The following CRTC3 variants were observed in gnomAD, a reference collection of about 807,000 sequenced individuals.
The protein encoded by CRTC3 is CREB-regulated transcription coactivator 3.
A neutral mutation model predicts 74.5 loss-of-function variants in CRTC3; 26 were observed. That is an observed-to-expected ratio of 0.35 (90% confidence interval 0.26 to 0.48). CRTC3 has a LOEUF of 0.48. Ranked by LOEUF, CRTC3 falls within the 20% of genes least tolerant of loss-of-function variation. The probability of loss-of-function intolerance (pLI) is 0.99; values close to 1 mark genes in which losing one functional copy is unlikely to be tolerated. For synonymous variants in CRTC3, 377 were observed against 325.8 expected (o/e 1.16, Z -1.69); for missense variants, 760 against 787.3 (o/e 0.97, Z 0.41).
intron 6 of CRTC3, chr15:90,613,625 G>A (rs1968419472): frequency 6.6e-6 from 1 of 152,074 alleles, no homozygotes; most frequent in South Asian, 2.1e-4. Flanking sequence ...GACTAATCAG[G>A]TTAACCTATA....
intron 2 of CRTC3, among the ~76,000 whole-genome samples, chr15:90,572,940 T>C (rs141221565): frequency 3.9e-5 from 6 of 152,192 alleles, no homozygotes; most frequent in Non-Finnish European, 8.8e-5. Context: ...AACATCTTGA[T>C]TTATTTTTAA....
At chr15:90,629,992 G>A (rs770754929) in intron 11 of CRTC3, among the ~76,000 whole-genome samples, 1 of 152,112 alleles carries the variant, frequency 6.6e-6, no homozygotes, top group African/African-American at 2.4e-5. Flanking sequence ...CCAAAGTGCT[G>A]GGATTACAGG....
intron 3 of CRTC3, chr15:90,596,242 G>C (rs915553226): frequency 1.3e-5 from 2 of 152,164 alleles, no homozygotes; most frequent in African/African-American, 4.8e-5. Context: ...AAAGGAAAAT[G>C]GTTTTAGATG....
At chr15:90,634,700 G>A in intron 11 of CRTC3, 1 of 673,246 alleles carries the variant, frequency 1.5e-6, no homozygotes, top group Admixed American at 2.1e-5. Flanking sequence ...CTAGAGCGGA[G>A]TATGAGACTG....
At chr15:90,633,121 A>ATAGT (rs1266512954) in intron 11 of CRTC3, among the ~76,000 whole-genome samples, 6 of 152,196 alleles carry the variant, frequency 3.9e-5, no homozygotes, top group African/African-American at 1.4e-4. Context: ...TAGTGTTTTT[A>ATAGT]TAGTTACAAT....
chr15:90,580,355 C>G (rs964743906), intron 2 of CRTC3, among the ~76,000 whole-genome samples: 1 of 151,924 alleles, frequency 6.6e-6, no homozygotes, highest in Admixed American at 6.6e-5. Flanking sequence ...TGTCTGTAGG[C>G]AAAAGTGGGG....
Position 90,645,146 on chromosome 15 carries a change from G to GT in CRTC3, c.*3008dup, listed in dbSNP as rs1969579138. On this transcript the variant is annotated 3_prime_UTR_variant, in exon 15 of 15. Coordinates refer to ENST00000268184, the MANE Select transcript of CRTC3 (RefSeq NM_022769.5). ...GGCTCTTCTGATTTATGCACAGATGGTTCCCAGCATGTGTCCAGTGCTTCA... is the reference window on the plus strand; with the variant it reads ...GGCTCTTCTGATTTATGCACAGATGGTTTCCCAGCATGTGTCCAGTGCTTCA... 1.3e-5 allele frequency: 3 copies of GT among 229,608 alleles called. No individual in the cohort carries two copies. In the Admixed American group the frequency reaches 1.7e-4, roughly 13 times the overall value. 14.2% of individuals were successfully genotyped at this position (229,608 alleles called of 1,614,324 possible).
At chr15:90,623,879 G>T (rs764465541) in intron 9 of CRTC3, among the ~76,000 whole-genome samples, 5 of 152,084 alleles carry the variant, frequency 3.3e-5, no homozygotes, top group Non-Finnish European at 7.3e-5. Context: ...CACACCATGT[G>T]GTCTCACACC....
chr15:90,560,747 C>G (rs1243886777), intron 2 of CRTC3, among the ~76,000 whole-genome samples: 1 of 152,188 alleles, frequency 6.6e-6, no homozygotes, highest in Admixed American at 6.5e-5. Flanking sequence ...CTGTTTGAGT[C>G]TGAACAATAA....
chr15:90,533,820 C>T (rs1198390963), intron 1 of CRTC3, among the ~76,000 whole-genome samples: 10 of 152,152 alleles, frequency 6.6e-5, no homozygotes, highest in Non-Finnish European at 1.5e-5. Context: ...AGGGAATTCT[C>T]ACCTCTTCCA....
At chr15:90,555,317 G>T (rs1245251908) in intron 2 of CRTC3, among the ~76,000 whole-genome samples, 1 of 152,090 alleles carries the variant, frequency 6.6e-6, no homozygotes, top group Non-Finnish European at 1.5e-5. Flanking sequence ...ATATTAAGCA[G>T]CTACTGTAAC....
At chr15:90,560,687 A>G (rs544282186) in intron 2 of CRTC3, among the ~76,000 whole-genome samples, 3 of 152,180 alleles carry the variant, frequency 2.0e-5, no homozygotes, top group Non-Finnish European at 4.4e-5. Flanking sequence ...CTGTCAGAAC[A>G]ATAGGGAATG....
intron 9 of CRTC3, among the ~76,000 whole-genome samples, chr15:90,625,515 C>G (rs1172541201): frequency 1.3e-5 from 2 of 152,070 alleles, no homozygotes; most frequent in Non-Finnish European, 2.9e-5. Flanking sequence ...AATACTTTTG[C>G]ATCCATAATC....
intron 2 of CRTC3, among the ~76,000 whole-genome samples, chr15:90,562,829 G>T (rs139298856): frequency 6.6e-6 from 1 of 151,918 alleles, no homozygotes; most frequent in East Asian, 1.9e-4. Flanking sequence ...GACACTGGAG[G>T]GGGCAAGCCA....
At chr15:90,581,635 A>G (rs1209452999) in intron 2 of CRTC3, among the ~76,000 whole-genome samples, 2 of 152,258 alleles carry the variant, frequency 1.3e-5, no homozygotes, top group African/African-American at 4.8e-5. Flanking sequence ...TTATTTGGAA[A>G]TGTAAAATCT....
At position 90,641,920 on chromosome 15, in the gene CRTC3, C is replaced by T; in HGVS notation, c.1652-12C>T. On this transcript the variant is annotated splice_polypyrimidine_tract_variant and intron_variant, in intron 14 of 14. Transcript: ENST00000268184. ...TAACCGCACTGTTTTCCCCTCTGGC[C>T]ACTCCTTTCAGAAGACTCCAGCACC... The T allele has an allele frequency of 6.2e-7, 1 of 1,612,274 alleles. No homozygotes were observed. Among genetic ancestry groups the T allele is most frequent in the Non-Finnish European group, 8.5e-7 (1 of 1,179,388 alleles).
chr15:90,643,685 G>C lies in CRTC3; in HGVS notation c.*1545G>C, dbSNP rs1003640533. On this transcript the variant is annotated 3_prime_UTR_variant, in exon 15 of 15. Coordinates refer to ENST00000268184, the MANE Select transcript of CRTC3 (RefSeq NM_022769.5). Reference sequence around the variant, plus strand: ...ACCACCGCCTGCCTCCTCTAACTTGGGTGATGCCAGTAGGTTTGAAGGGGG... The same window carrying C: ...ACCACCGCCTGCCTCCTCTAACTTGCGTGATGCCAGTAGGTTTGAAGGGGG... 1 of 231,226 alleles carries C rather than the reference G, an allele frequency of 4.3e-6. No homozygotes were observed. The highest frequency in any genetic ancestry group is 2.3e-5 in the African/African-American group (1 of 43,910). 14.3% of individuals were successfully genotyped at this position (231,226 alleles called of 1,614,324 possible).
intron 6 of CRTC3, among the ~76,000 whole-genome samples, chr15:90,609,083 C>T (rs867220178): frequency 6.6e-6 from 1 of 152,136 alleles, no homozygotes; most frequent in African/African-American, 2.4e-5. Context: ...CACTTATGAT[C>T]GTATTTCTTT....
At chr15:90,563,699 G>A (rs1967062058) in intron 2 of CRTC3, among the ~76,000 whole-genome samples, 1 of 152,100 alleles carries the variant, frequency 6.6e-6, no homozygotes, top group African/African-American at 2.4e-5. Flanking sequence ...AGCCAACCGA[G>A]AGCAAGAAAA....
Sources: allele counts gnomAD v4.1 joint callset (sites outside exome capture counted in the v4.1 genomes callset), GRCh38; gene constraint gnomAD v4.1.1; transcripts MANE v1.5; gene names NCBI Gene and HGNC (gene_info 2026-07-23, HGNC 2026-07-21).